The following FSTL5 variants were observed in gnomAD, a reference collection of about 807,000 sequenced individuals.
FSTL5 encodes the protein follistatin like 5, also known as follistatin-related protein 5.
In FSTL5, 62 loss-of-function variants were observed where a neutral mutation model predicts 89.1. That is an observed-to-expected ratio of 0.70 (90% CI 0.57 to 0.86). The LOEUF (loss-of-function observed/expected upper bound fraction) is 0.86. FSTL5 is among the 40% of genes least tolerant of loss of function. The pLI is 0.00. For synonymous variants in FSTL5, 383 were observed against 346.2 expected, an observed-to-expected ratio of 1.11 and a Z score of -1.18; for missense variants, 1,057 against 1,001.6, an observed-to-expected ratio of 1.06 and a Z score of -0.75.
intron 7 of FSTL5, among the ~76,000 whole-genome samples, chr4:161,617,154 T>C (rs1734902533): frequency 6.6e-6 from 1 of 151,684 alleles, no homozygotes; most frequent in South Asian, 2.1e-4. Context: ...TAAATAAATA[T>C]AAACTCATAT....
intron 15 of FSTL5, among the ~76,000 whole-genome samples, chr4:161,434,387 G>T (rs1732484518): frequency 1.3e-5 from 2 of 152,120 alleles, no homozygotes; most frequent in Non-Finnish European, 2.9e-5. Flanking sequence ...CCCATCTCTT[G>T]CCATACACAA....
chr4:162,104,957 G>A (rs1353103808), intron 2 of FSTL5, among the ~76,000 whole-genome samples: 1 of 152,094 alleles, frequency 6.6e-6, no homozygotes, highest in Admixed American at 6.5e-5. Flanking sequence ...ATAATACAGA[G>A]TTCCTTTCAG....
chr4:161,959,705 T>TAGA, intron 3 of FSTL5, among the ~76,000 whole-genome samples: 1 of 152,258 alleles, frequency 6.6e-6, no homozygotes, highest in South Asian at 2.1e-4. Context: ...TTTTAGACAT[T>TAGA]GTTGTGTTAA....
At chr4:161,542,508 G>GAA (rs60655417) in intron 9 of FSTL5, 24 bp downstream of exon 9, 58 of 1,355,412 alleles carry the variant, frequency 4.3e-5, no homozygotes, top group South Asian at 4.1e-4. Context: ...TCATTTAAGA[G>GAA]AAAAAAAAGC....
intron 4 of FSTL5, among the ~76,000 whole-genome samples, chr4:161,837,606 T>C (rs1731087415): frequency 6.6e-6 from 1 of 152,062 alleles, no homozygotes; most frequent in South Asian, 2.1e-4. Context: ...ATTAATAAAA[T>C]AAAAGTAATA....
intron 3 of FSTL5, among the ~76,000 whole-genome samples, chr4:162,009,158 T>A (rs1169082505): frequency 6.6e-6 from 1 of 152,060 alleles, no homozygotes; most frequent in East Asian, 1.9e-4. Context: ...GAAAGCCTTG[T>A]CCACCTTTTA....
intron 6 of FSTL5, among the ~76,000 whole-genome samples, chr4:161,696,947 C>T (rs555775109): frequency 3.5e-4 from 54 of 152,278 alleles, no homozygotes; most frequent in Non-Finnish European, 6.5e-4. Context: ...TTGTTTCTTT[C>T]TCTTGTCTGA....
chr4:161,984,837 T>C (rs1054258139), intron 3 of FSTL5, among the ~76,000 whole-genome samples: 10 of 152,158 alleles, frequency 6.6e-5, no homozygotes, highest in African/African-American at 1.9e-4. Context: ...ATGATCAGAA[T>C]AGTTTTTTAA....
intron 3 of FSTL5, among the ~76,000 whole-genome samples, chr4:161,922,525 T>G (rs1039857470): frequency 6.6e-6 from 1 of 151,956 alleles, no homozygotes; most frequent in African/African-American, 2.4e-5. Flanking sequence ...ATATACAAAT[T>G]TTTTCTCCAC....
intron 8 of FSTL5, among the ~76,000 whole-genome samples, chr4:161,565,665 C>T (rs572194636): frequency 6.6e-6 from 1 of 150,600 alleles, no homozygotes; most frequent in African/African-American, 2.4e-5. Context: ...GGCATGAAAA[C>T]ACTTAATTGT....
At chr4:161,916,539 C>T (rs1733844368) in intron 4 of FSTL5, among the ~76,000 whole-genome samples, 2 of 152,080 alleles carry the variant, frequency 1.3e-5, no homozygotes, top group African/African-American at 2.4e-5. Context: ...TTTTATGTTA[C>T]GTTGAGCATC....
intron 15 of FSTL5, among the ~76,000 whole-genome samples, chr4:161,443,362 C>T (rs541168763): frequency 6.6e-6 from 1 of 152,124 alleles, no homozygotes; most frequent in East Asian, 1.9e-4. Context: ...TTTTTTAAAG[C>T]TTATTCCACA....
Position 161,500,087 on chromosome 4 carries a change from T to C in FSTL5, c.1387A>G (p.Lys463Glu), listed in dbSNP as rs746931508. The change falls in exon 12 of 16, where the codon AAA (lysine) becomes GAA (glutamate). Residue 463 changes from lysine (K) to glutamate (E), a missense_variant. Coordinates refer to ENST00000306100, the MANE Select transcript of FSTL5 (RefSeq NM_020116.5). ...TCACATTCTATGGGTTGTATCACTT[T>C]GATTCCATCTTCATAAAAAACATAG... ...MFYVFYEDGI[K>E]VIQPIECEFQ... 1 of 1,609,028 alleles carries C rather than the reference T, an allele frequency of 6.2e-7. No homozygotes were observed. The highest frequency in any genetic ancestry group is 2.2e-5 in the East Asian group (1 of 44,640).
At chr4:161,957,333 A>T (rs1480116874) in intron 3 of FSTL5, among the ~76,000 whole-genome samples, 1 of 152,100 alleles carries the variant, frequency 6.6e-6, no homozygotes, top group African/African-American at 2.4e-5. Flanking sequence ...ACAAACCTTT[A>T]TTATTCTCTC....
At chr4:162,139,452 G>A (rs952764122) in intron 1 of FSTL5, among the ~76,000 whole-genome samples, 12 of 141,280 alleles carry the variant, frequency 8.5e-5, no homozygotes, top group East Asian at 6.3e-4. Context: ...ATACACACAC[G>A]CCCACACACA....
At chr4:161,407,145 T>C (rs1035236723) in intron 15 of FSTL5, among the ~76,000 whole-genome samples, 2 of 152,196 alleles carry the variant, frequency 1.3e-5, no homozygotes, top group African/African-American at 4.8e-5. Context: ...TCTAATACTG[T>C]GAATGTATTA....
At chr4:161,719,321 A>T (rs942537471) in intron 6 of FSTL5, among the ~76,000 whole-genome samples, 2 of 152,166 alleles carry the variant, frequency 1.3e-5, no homozygotes. Context: ...TTATTCCAAG[A>T]CTATACTGTT....
intron 7 of FSTL5, among the ~76,000 whole-genome samples, chr4:161,631,514 G>A (rs1339730655): frequency 6.6e-6 from 1 of 152,148 alleles, no homozygotes; most frequent in Non-Finnish European, 1.5e-5. Context: ...CTACTCAGGA[G>A]GGTGAGGCAA....
At chr4:161,389,882 A>C (rs1450283422) in intron 15 of FSTL5, among the ~76,000 whole-genome samples, 3 of 152,176 alleles carry the variant, frequency 2.0e-5, no homozygotes, top group Admixed American at 2.0e-4. Flanking sequence ...GGATGAGAAA[A>C]ATACCACAAA....
Sources: allele counts gnomAD v4.1 joint callset (sites outside exome capture counted in the v4.1 genomes callset), GRCh38; gene constraint gnomAD v4.1.1; transcripts MANE v1.5; gene names NCBI Gene and HGNC (gene_info 2026-07-23, HGNC 2026-07-21).